FOCAD: variants seen among roughly 807,000 people sequenced by gnomAD.
FOCAD encodes the protein focadhesin, also known as KIAA1797.
In FOCAD, 198 loss-of-function variants were observed where a neutral mutation model predicts 225.6. That is an observed-to-expected ratio of 0.88 (90% CI 0.78 to 0.99). FOCAD has a LOEUF of 0.99. FOCAD is among the 50% of genes least tolerant of loss of function. FOCAD has a pLI of 0.00. For missense variants in FOCAD, 2,713 were observed against 2,123.6 expected (o/e 1.28, Z -5.46); for synonymous variants, 897 against 755.0 (o/e 1.19, Z -3.08).
intron 11 of FOCAD, among the ~76,000 whole-genome samples, chr9:20,811,127 A>T (rs930125493): frequency 1.1e-4 from 17 of 152,226 alleles, no homozygotes; most frequent in South Asian, 2.1e-4. Flanking sequence ...TGCTTATAGA[A>T]TTTGAAGAGA....
chr9:20,878,307 CT>C (rs1340138517), intron 19 of FOCAD, among the ~76,000 whole-genome samples: 1 of 151,964 alleles, frequency 6.6e-6, no homozygotes, highest in East Asian at 1.9e-4. Context: ...TGTTTTTTGC[CT>C]GCGTTTTCAT....
intron 8 of FOCAD, among the ~76,000 whole-genome samples, chr9:20,772,018 A>G (rs1329164876): frequency 6.6e-6 from 1 of 152,204 alleles, no homozygotes; most frequent in African/African-American, 2.4e-5. Flanking sequence ...TTAGGGCTTT[A>G]ACAAATACAT....
rs1056779968 is a variant in FOCAD, at chr9:20,929,695, A to G, written c.3317+99A>G. On this transcript the variant is annotated intron_variant, in intron 27 of 43. Transcript: ENST00000338382. Reference sequence around the variant, plus strand: ...TATATATAAACATTGTATCTGAGCAATATGTGTTTGCTAAACTTTCTGAGA... The same window carrying G: ...TATATATAAACATTGTATCTGAGCAGTATGTGTTTGCTAAACTTTCTGAGA... The G allele has an allele frequency of 3.6e-5, 34 of 946,362 alleles. No individual in the cohort carries two copies. The African/African-American group carries it at 4.1e-4, about 11-fold the overall frequency. 58.6% of individuals were successfully genotyped at this position (946,362 alleles called of 1,614,324 possible). A position where few individuals can be genotyped will look rare whatever the true frequency, so the allele number is the denominator to read the frequency against.
At chr9:20,731,504 A>G (rs1048873865) in intron 4 of FOCAD, among the ~76,000 whole-genome samples, 2 of 152,224 alleles carry the variant, frequency 1.3e-5, no homozygotes, top group African/African-American at 4.8e-5. Flanking sequence ...TTCAGTGTGC[A>G]TCTATAAAGT....
In FOCAD at chr9:20,834,513, G is replaced by A. The variant is rs79655971; in HGVS notation, c.1920+11398G>A. ...TATCTGGTCAATGGGTAAACAAATC[G>A]TTGTGTATTTGTATAATAGAATACT... On this transcript the variant is annotated intron_variant, in intron 15 of 43. Coordinates refer to ENST00000338382, the MANE Select transcript of FOCAD (RefSeq NM_001375567.1). 6.4e-3 allele frequency among the ~76,000 whole-genome samples: 979 copies of A among 152,140 alleles called. 12 individuals carry two copies. The highest frequency in any genetic ancestry group is 0.022 in the African/African-American group (922 of 41,530).
At chr9:20,827,436 A>G (rs1256770162) in intron 15 of FOCAD, among the ~76,000 whole-genome samples, 1 of 151,924 alleles carries the variant, frequency 6.6e-6, no homozygotes, top group Non-Finnish European at 1.5e-5. Flanking sequence ...TTATTTATCC[A>G]CTTATCAAAT....
intron 11 of FOCAD, among the ~76,000 whole-genome samples, chr9:20,810,034 C>G (rs1326538330): frequency 6.6e-6 from 1 of 152,120 alleles, no homozygotes; most frequent in Non-Finnish European, 1.5e-5. Flanking sequence ...TCACAAGACT[C>G]AGCATAGAGC....
In FOCAD at chr9:20,878,058, A is replaced by G. The variant is rs10115747; in HGVS notation, c.2317+3251A>G. On this transcript the variant is annotated intron_variant, in intron 19 of 43. Transcript: ENST00000338382. ...ATTGTGGAAGTTTCAACATTTTTAC[A>G]TACATACACAATACTTACACACAAA... 3.6e-3 allele frequency among the ~76,000 whole-genome samples: 546 copies of G among 152,336 alleles called. 3 individuals carry two copies. The highest frequency in any genetic ancestry group is 0.013 in the African/African-American group (523 of 41,574).
intron 15 of FOCAD, among the ~76,000 whole-genome samples, chr9:20,823,616 T>C (rs1824560336): frequency 6.6e-6 from 1 of 152,108 alleles, no homozygotes; most frequent in African/African-American, 2.4e-5. Flanking sequence ...GTTCCCAGAA[T>C]TATAACACAG....
upstream of FOCAD, among the ~76,000 whole-genome samples, chr9:20,657,102 G>T (rs567371599): frequency 1.3e-5 from 2 of 152,054 alleles, no homozygotes; most frequent in Non-Finnish European, 2.9e-5. Context: ...GTTGAATATT[G>T]GCCCCCACTC....
rs749838827 is a variant in FOCAD at position 20,953,091 on chromosome 9, T to C, written c.4132+26T>C. 5.8e-6 allele frequency: 9 copies of C among 1,547,246 alleles called. No homozygotes were observed. The South Asian group carries it at 9.0e-5, about 15-fold the overall frequency. The stretch of plus-strand genomic sequence containing the variant: ...GCAAGTGAGCACATTTCTTGAATTT[T>C]ATCATTCTATCTCCATGTTGTTATA... On this transcript the variant is annotated intron_variant, in intron 35 of 43. Coordinates refer to ENST00000338382, the MANE Select transcript of FOCAD (RefSeq NM_001375567.1).
At chr9:20,983,394 AAACCCCGTCTCTACTAAAGGTAC>A (rs1840882176) in intron 39 of FOCAD, among the ~76,000 whole-genome samples, 1 of 152,042 alleles carries the variant, frequency 6.6e-6, no homozygotes, top group South Asian at 2.1e-4. Context: ...CAACATGGTG[AAACCCCGTCTCTACTAAAGGTAC>A]AAAAATTAGC....
intron 4 of FOCAD, among the ~76,000 whole-genome samples, chr9:20,722,390 T>A (rs2131557139): frequency 6.6e-6 from 1 of 152,342 alleles, no homozygotes; most frequent in African/African-American, 2.4e-5. Context: ...TCCTTCCCCT[T>A]CTCTGTCTGA....
At chr9:20,792,078 C>G (rs560115277) in intron 11 of FOCAD, among the ~76,000 whole-genome samples, 2 of 152,262 alleles carry the variant, frequency 1.3e-5, no homozygotes, top group African/African-American at 4.8e-5. Context: ...GGATGCTTAA[C>G]AGTATCTTAT....
chr9:20,908,572 A>C (rs2383163), intron 22 of FOCAD, among the ~76,000 whole-genome samples: 92,452 of 151,868 alleles, frequency 0.61, 28,261 homozygotes, highest in Admixed American at 0.68. Context: ...AATGTACTGT[A>C]ATCTGCATTT....
At chr9:20,731,613 A>G (rs1221892935) in intron 4 of FOCAD, among the ~76,000 whole-genome samples, 1 of 152,050 alleles carries the variant, frequency 6.6e-6, no homozygotes, top group African/African-American at 2.4e-5. Context: ...TTAATTAAAC[A>G]TATATTTATA....
In FOCAD at chr9:20,770,213, A is replaced by G; in HGVS notation, c.881A>G (p.Glu294Gly). 2 of 1,614,040 alleles carry G rather than the reference A, an allele frequency of 1.2e-6. No individual in the cohort carries two copies. The highest frequency in any genetic ancestry group is 1.7e-6 in the Non-Finnish European group (2 of 1,179,966). ...GECSSSIHLLEHSVELLKEDF... is the reference protein window; with the variant it reads ...GECSSSIHLLGHSVELLKEDF... Reference sequence around the variant, plus strand: ...TGTTCATCTTCAATTCACCTTTTAGAGCACAGTGTTGAACTTCTGAAGGAG... The same window carrying G: ...TGTTCATCTTCAATTCACCTTTTAGGGCACAGTGTTGAACTTCTGAAGGAG... Residue 294 changes from glutamate to glycine, a missense_variant, in exon 8 of 44, where the codon GAG becomes GGG. Physicochemically the swap from Glu to Gly is moderately conservative, Grantham distance 98. Transcript: ENST00000338382.
At chr9:20,955,076 C>T (rs1838014672) in intron 35 of FOCAD, among the ~76,000 whole-genome samples, 1 of 152,186 alleles carries the variant, frequency 6.6e-6, no homozygotes, top group African/African-American at 2.4e-5. Context: ...CCCGGTGGGA[C>T]TGCTGATAGG....
chr9:20,957,478 C>CTTTTTTTTTTTCTT (rs1838275224), intron 35 of FOCAD: 1 of 81,480 alleles, frequency 1.2e-5, no homozygotes, highest in Non-Finnish European at 2.2e-5. Context: ...CTTTTCTTTT[C>CTTTTTTTTTTTCTT]TTTTTTTTTT....
Sources: allele counts gnomAD v4.1 joint callset (sites outside exome capture counted in the v4.1 genomes callset), GRCh38; gene constraint gnomAD v4.1.1; transcripts MANE v1.5; gene names NCBI Gene and HGNC (gene_info 2026-07-23, HGNC 2026-07-21).